The following GALNTL6 variants were observed in gnomAD, a reference collection of about 807,000 sequenced individuals.
The protein encoded by GALNTL6 is polypeptide N-acetylgalactosaminyltransferase like 6.
A neutral mutation model predicts 73.7 loss-of-function variants in GALNTL6; 46 were observed. The ratio of observed to expected loss-of-function variants is 0.62; its 90% CI spans 0.49 to 0.80. The LOEUF (loss-of-function observed/expected upper bound fraction) is 0.80. GALNTL6 is among the 30% of genes least tolerant of loss of function. The pLI is 0.00. For synonymous variants in GALNTL6, 259 were observed against 263.7 expected, an observed-to-expected ratio of 0.98 and a Z score of 0.17; for missense variants, 604 against 755.0, an observed-to-expected ratio of 0.80 and a Z score of 2.34.
chr4:172,033,780 A>G (rs1054358856), intron 2 of GALNTL6, among the ~76,000 whole-genome samples: 1 of 152,150 alleles, frequency 6.6e-6, no homozygotes, highest in Non-Finnish European at 1.5e-5. Flanking sequence ...TGTAGTTGTG[A>G]CAGAGATTGT....
At chr4:171,935,070 T>G (rs545227268) in intron 2 of GALNTL6, among the ~76,000 whole-genome samples, 1 of 151,904 alleles carries the variant, frequency 6.6e-6, no homozygotes, top group African/African-American at 2.4e-5. Flanking sequence ...ACTGTATCAC[T>G]TTTTTTTGCA....
At chr4:172,057,719 AAAAAAAAAATAT>A (rs1266731604) in intron 2 of GALNTL6, among the ~76,000 whole-genome samples, 3,385 of 59,246 alleles carry the variant, frequency 0.057, 28 homozygotes, top group East Asian at 0.083. Context: ...AAAAAAAAAA[AAAAAAAAAATAT>A]ATATATATAT....
At chr4:172,813,479 G>A (rs1741426536) in intron 6 of GALNTL6, 61 bp from the exon 7 acceptor site, 1 of 1,449,828 alleles carries the variant, frequency 6.9e-7, no homozygotes, top group Non-Finnish European at 9.5e-7. Context: ...TCTCTTTGCT[G>A]AAAAATGATA....
intron 5 of GALNTL6, among the ~76,000 whole-genome samples, chr4:172,610,607 A>G (rs1738489311): frequency 1.3e-5 from 2 of 151,980 alleles, no homozygotes; most frequent in Admixed American, 1.3e-4. Flanking sequence ...TTTATGGCTG[A>G]GCATATGGTC....
chr4:172,895,448 G>A (rs1746276341), intron 8 of GALNTL6, among the ~76,000 whole-genome samples: 1 of 149,246 alleles, frequency 6.7e-6, no homozygotes, highest in African/African-American at 2.5e-5. Flanking sequence ...TCCACTCCCT[G>A]CAGGCCTGTA....
At chr4:172,339,257 CCACA>C (rs70941402) in intron 4 of GALNTL6, among the ~76,000 whole-genome samples, 23,982 of 120,540 alleles carry the variant, frequency 0.2, 2,730 homozygotes, top group Admixed American at 0.28. Context: ...CACACACACA[CCACA>C]CACACACACA....
intron 3 of GALNTL6, among the ~76,000 whole-genome samples, chr4:172,272,462 CA>C (rs1213491099): frequency 6.6e-6 from 1 of 152,136 alleles, no homozygotes; most frequent in Non-Finnish European, 1.5e-5. Flanking sequence ...CAAACCTATA[CA>C]GAAAGTTACT....
chr4:172,493,495 C>G (rs114599378), intron 5 of GALNTL6, among the ~76,000 whole-genome samples: 1 of 152,124 alleles, frequency 6.6e-6, no homozygotes, highest in African/African-American at 2.4e-5. Context: ...GTTACAGATT[C>G]GTTTCCTGAA....
chr4:172,540,782 A>G (rs1735524953), intron 5 of GALNTL6, among the ~76,000 whole-genome samples: 1 of 152,242 alleles, frequency 6.6e-6, no homozygotes, highest in Admixed American at 6.5e-5. Context: ...CCTGAAGTCA[A>G]TAGAAAGGAA....
chr4:172,360,928 C>G (rs1420322601), intron 5 of GALNTL6, among the ~76,000 whole-genome samples: 4 of 152,088 alleles, frequency 2.6e-5, no homozygotes, highest in Non-Finnish European at 5.9e-5. Context: ...CTTTCAAGTC[C>G]TGCACAGAAG....
In GALNTL6 at chr4:172,374,057, C is replaced by T. The variant is rs201601038; in HGVS notation, c.553+25368C>T. On this transcript the variant is annotated intron_variant, in intron 5 of 12. Transcript: ENST00000506823. ...GGGGGCTTCTGATCCAGAGAATCTTCGTTCTCTGGAGCAGTGCACCTTCCA... is the reference window on the plus strand; with the variant it reads ...GGGGGCTTCTGATCCAGAGAATCTTTGTTCTCTGGAGCAGTGCACCTTCCA... Among the ~76,000 whole-genome samples, 125 of 151,684 alleles carry T rather than the reference C, an allele frequency of 8.2e-4. 1 individual carries two copies. The South Asian group carries it at 0.016, about 20-fold the overall frequency.
intron 5 of GALNTL6, among the ~76,000 whole-genome samples, chr4:172,381,211 ATGATTATTTCCTTT>A: frequency 6.6e-6 from 1 of 152,372 alleles, no homozygotes; most frequent in Admixed American, 6.5e-5. Context: ...GATGAAACAA[ATGATTATTTCCTTT>A]AAAGCTATTT....
chr4:172,664,683 A>T (rs1037503487), intron 5 of GALNTL6, among the ~76,000 whole-genome samples: 1 of 152,196 alleles, frequency 6.6e-6, no homozygotes, highest in Non-Finnish European at 1.5e-5. Context: ...TCTCAGCTTC[A>T]TCTTTTAAAA....
chr4:171,921,987 T>C (rs981856736), intron 2 of GALNTL6, among the ~76,000 whole-genome samples: 2 of 152,084 alleles, frequency 1.3e-5, no homozygotes, highest in Non-Finnish European at 2.9e-5. Context: ...TTTATGGTTG[T>C]CCAAAAGCTT....
At chr4:172,988,780 A>G (rs1472453625) in intron 10 of GALNTL6, among the ~76,000 whole-genome samples, 1 of 152,230 alleles carries the variant, frequency 6.6e-6, no homozygotes, top group African/African-American at 2.4e-5. Flanking sequence ...GGCCCCAGAT[A>G]GGTCTCAGGC....
chr4:172,155,294 G>A (rs1009695515), intron 2 of GALNTL6, among the ~76,000 whole-genome samples: 1 of 152,106 alleles, frequency 6.6e-6, no homozygotes, highest in African/African-American at 2.4e-5. Context: ...CACCGCGCCC[G>A]GCCATCGTAC....
At chr4:173,001,593 G>C (rs1193231662) in intron 10 of GALNTL6, among the ~76,000 whole-genome samples, 1 of 151,766 alleles carries the variant, frequency 6.6e-6, no homozygotes, top group Non-Finnish European at 1.5e-5. Context: ...CACTGAATAG[G>C]ATAAAATATT....
intron 5 of GALNTL6, among the ~76,000 whole-genome samples, chr4:172,657,907 T>C (rs987678083): frequency 2.6e-5 from 4 of 151,858 alleles, no homozygotes; most frequent in African/African-American, 9.7e-5. Flanking sequence ...TCCCAGCACT[T>C]TGGGAGGCCG....
intron 2 of GALNTL6, among the ~76,000 whole-genome samples, chr4:171,982,337 A>C (rs144597761): frequency 2.0e-5 from 3 of 152,126 alleles, no homozygotes; most frequent in Non-Finnish European, 1.5e-5. Flanking sequence ...TCGCTCTGTC[A>C]CCCAGGCTGG....
Sources: allele counts gnomAD v4.1 joint callset (sites outside exome capture counted in the v4.1 genomes callset), GRCh38; gene constraint gnomAD v4.1.1; transcripts MANE v1.5; gene names NCBI Gene and HGNC (gene_info 2026-07-23, HGNC 2026-07-21).